Variants in KCNQ1OT1 observed in about 807,000 individuals in gnomAD.
KCNQ1OT1 encodes KCNQ1 opposite strand/antisense transcript 1, also known as KCNQ1 antisense RNA 2 (non-protein coding).
chr11:2,658,120 C>G lies in KCNQ1OT1; in HGVS notation n.41875G>C. The G allele has an allele frequency of 2.5e-6, 1 of 398,550 alleles. No homozygotes were observed. Among genetic ancestry groups the G allele is most frequent in the Non-Finnish European group, 4.4e-6 (1 of 226,030 alleles). The allele number at this position is 398,550 out of a possible 1,614,324, so 24.7% of individuals were successfully genotyped here. ...CCTGCAGGAGAGTATCAAAAAAAAT[C>G]TGCAAATATGTTAAAACTACCACAG... is the stretch of plus-strand genomic sequence containing the variant. On this transcript the variant is annotated non_coding_transcript_exon_variant, in exon 1 of 1. Transcript: ENST00000597346. The surrounding 1 kb of genome is among the most constrained non-coding windows in gnomAD (Gnocchi z 4.9).
chr11:2,645,423 T>G lies in KCNQ1OT1; in HGVS notation n.54572A>C, dbSNP rs1260392533. On this transcript the variant is annotated non_coding_transcript_exon_variant, in exon 1 of 1. Transcript: ENST00000597346. This position sits in a 1 kb window ranked among gnomAD's most constrained non-coding sequence, Gnocchi z 5.8. The stretch of plus-strand genomic sequence containing the variant: ...GGCCTGTCCTGAGGCCCTCCAGTAA[T>G]GCAAGAATGTACTGACTGTGGTAGG... 5.0e-6 allele frequency: 2 copies of G among 398,652 alleles called. No homozygotes were observed. The highest frequency in any genetic ancestry group is 8.8e-6 in the Non-Finnish European group (2 of 226,164). 24.7% of individuals were successfully genotyped at this position (398,652 alleles called of 1,614,324 possible).
At chr11:2,640,685 T>C (rs895938494) in exon 1 of KCNQ1OT1, 2 of 398,418 alleles carry the variant, frequency 5.0e-6, no homozygotes, top group African/African-American at 2.1e-5. Flanking sequence ...TCTCTATAGT[T>C]AGGAACATTT....
Position 2,683,906 on chromosome 11 carries a change from G to C in KCNQ1OT1, n.16089C>G, listed in dbSNP as rs117916938. The C allele has an allele frequency of 2.5e-6, 1 of 396,916 alleles. No individual in the cohort carries two copies. Among genetic ancestry groups the C allele is most frequent in the Non-Finnish European group, 4.4e-6 (1 of 225,926 alleles). The allele number at this position is 396,916 out of a possible 1,614,324, so 24.6% of individuals were successfully genotyped here. A position where few individuals can be genotyped will look rare whatever the true frequency, so the allele number is the denominator to read the frequency against. The stretch of plus-strand genomic sequence containing the variant: ...TCATAAATGCAAAAGATGGCCAAAG[G>C]TGCATGCTCTGTGACACGTTTCATA... On this transcript the variant is annotated non_coding_transcript_exon_variant, in exon 1 of 1. Coordinates refer to ENST00000597346, the Ensembl canonical transcript of KCNQ1OT1. The surrounding 1 kb of genome is among the most constrained non-coding windows in gnomAD (Gnocchi z 4.7).
chr11:2,632,044 A>G, exon 1 of KCNQ1OT1: 1 of 396,324 alleles, frequency 2.5e-6, no homozygotes, highest in Non-Finnish European at 4.4e-6. Context: ...TTAGCCAGGC[A>G]TAGCAGCGTG....
In KCNQ1OT1 at chr11:2,624,919, C is replaced by A; in HGVS notation, n.75076G>T. The A allele has an allele frequency of 2.5e-6, 1 of 398,270 alleles. No individual in the cohort carries two copies. The highest frequency in any genetic ancestry group is 4.4e-6 in the Non-Finnish European group (1 of 226,044). The allele number at this position is 398,270 out of a possible 1,614,324, so 24.7% of individuals were successfully genotyped here. A position where few individuals can be genotyped will look rare whatever the true frequency, so the allele number is the denominator to read the frequency against. ...CATGTTGTGGCATGTGTCAAAATTT[C>A]TATTTTTTTTAAAGCTGAATAATAT... is the stretch of plus-strand genomic sequence containing the variant. On this transcript the variant is annotated non_coding_transcript_exon_variant, in exon 1 of 1. Transcript: ENST00000597346. The surrounding 1 kb of genome is among the most constrained non-coding windows in gnomAD (Gnocchi z 4.9).
exon 1 of KCNQ1OT1, chr11:2,656,614 T>C (rs1316856994): frequency 2.5e-6 from 1 of 398,676 alleles, no homozygotes; most frequent in East Asian, 3.6e-5. Context: ...TTGCCCATTT[T>C]CTATTAAGTC....
chr11:2,647,831 T>C lies in KCNQ1OT1; in HGVS notation n.52164A>G, dbSNP rs1353375944. 7.5e-6 allele frequency: 3 copies of C among 398,456 alleles called. No individual in the cohort carries two copies. The highest frequency in any genetic ancestry group is 2.5e-4 in the South Asian group (2 of 7,866). The allele number at this position is 398,456 out of a possible 1,614,324, so 24.7% of individuals were successfully genotyped here. ...ATCTTTTGTATTTCTGTGGTGTCCA[T>C]TGTAAGTCTCCTTTTTCATTTCTGA... On this transcript the variant is annotated non_coding_transcript_exon_variant, in exon 1 of 1. Coordinates refer to ENST00000597346, the Ensembl canonical transcript of KCNQ1OT1. The surrounding 1 kb of genome is among the most constrained non-coding windows in gnomAD (Gnocchi z 4.0).
In KCNQ1OT1 at chr11:2,690,644, T is replaced by A. The variant is rs553233404; in HGVS notation, n.9351A>T. ...TCATATATGTGTCAGAATGCGTATT[T>A]GTCAGTGTATGTGTGTCAGTGCACA... On this transcript the variant is annotated non_coding_transcript_exon_variant, in exon 1 of 1. Transcript: ENST00000597346. This position sits in a 1 kb window ranked among gnomAD's most constrained non-coding sequence, Gnocchi z 5.1. The A allele has an allele frequency of 7.3e-5, 29 of 398,648 alleles. No homozygotes were observed. The highest frequency in any genetic ancestry group is 1.2e-4 in the Non-Finnish European group (27 of 226,076). 24.7% of individuals were successfully genotyped at this position (398,648 alleles called of 1,614,324 possible).
Position 2,683,389 on chromosome 11 carries a change from T to C in KCNQ1OT1, n.16606A>G, listed in dbSNP as rs1374660168. ...CTGCAAATGCAGGTTCCTGGGGCTCTGGGTGGTTTGTCCAATGGCTAAGCT... is the reference window on the plus strand; with the variant it reads ...CTGCAAATGCAGGTTCCTGGGGCTCCGGGTGGTTTGTCCAATGGCTAAGCT... On this transcript the variant is annotated non_coding_transcript_exon_variant, in exon 1 of 1. Coordinates refer to ENST00000597346, the Ensembl canonical transcript of KCNQ1OT1. This position sits in a 1 kb window ranked among gnomAD's most constrained non-coding sequence, Gnocchi z 4.7. 1 of 398,676 alleles carries C rather than the reference T, an allele frequency of 2.5e-6. No homozygotes were observed. Among genetic ancestry groups the C allele is most frequent in the Non-Finnish European group, 4.4e-6 (1 of 226,074 alleles). 24.7% of individuals were successfully genotyped at this position (398,676 alleles called of 1,614,324 possible).
At chr11:2,622,250 G>A (rs10741669) in exon 1 of KCNQ1OT1, 355,513 of 398,270 alleles carry the variant, frequency 0.89, 158,915 homozygotes, top group East Asian at 0.99. Context: ...GTGTGTATAC[G>A]TTTCCAATTG....
In KCNQ1OT1 at chr11:2,658,137, C is replaced by T. The variant is rs964321094; in HGVS notation, n.41858G>A. 1 of 398,568 alleles carries T rather than the reference C, an allele frequency of 2.5e-6. No homozygotes were observed. The highest frequency in any genetic ancestry group is 4.4e-6 in the Non-Finnish European group (1 of 226,030). The allele number at this position is 398,568 out of a possible 1,614,324, so 24.7% of individuals were successfully genotyped here. ...AAAAAAATCTGCAAATATGTTAAAACTACCACAGCAATTAAAATACATTTC... is the reference window on the plus strand; with the variant it reads ...AAAAAAATCTGCAAATATGTTAAAATTACCACAGCAATTAAAATACATTTC... On this transcript the variant is annotated non_coding_transcript_exon_variant, in exon 1 of 1. Coordinates refer to ENST00000597346, the Ensembl canonical transcript of KCNQ1OT1. This position sits in a 1 kb window ranked among gnomAD's most constrained non-coding sequence, Gnocchi z 4.9.
exon 1 of KCNQ1OT1, chr11:2,662,095 T>C: frequency 6.2e-7 from 1 of 1,614,098 alleles, no homozygotes; most frequent in East Asian, 2.2e-5. Flanking sequence ...AGTGCCTACA[T>C]GTGCGTGAAG....
exon 1 of KCNQ1OT1, chr11:2,616,052 C>T (rs1849058609): frequency 2.5e-6 from 1 of 397,914 alleles, no homozygotes; most frequent in Non-Finnish European, 4.4e-6. Context: ...TGGGTCTGCT[C>T]ATAATTTCAA....
exon 1 of KCNQ1OT1, chr11:2,685,361 C>T (rs1850468126): frequency 2.5e-6 from 1 of 398,678 alleles, no homozygotes; most frequent in South Asian, 1.3e-4. Flanking sequence ...TGGGCAGGTA[C>T]CATCTCTGCC....
In KCNQ1OT1 at chr11:2,676,527, T is replaced by A. The variant is rs563587232; in HGVS notation, n.23468A>T. 2 of 398,614 alleles carry A rather than the reference T, an allele frequency of 5.0e-6. No individual in the cohort carries two copies. Among genetic ancestry groups the A allele is most frequent in the African/African-American group, 4.1e-5 (2 of 48,732 alleles). 24.7% of individuals were successfully genotyped at this position (398,614 alleles called of 1,614,324 possible). On this transcript the variant is annotated non_coding_transcript_exon_variant, in exon 1 of 1. Transcript: ENST00000597346. This position sits in a 1 kb window ranked among gnomAD's most constrained non-coding sequence, Gnocchi z 4.2. ...GAACACTTGGACTTGGCAAAAGGCATAGAGGTAGTGGTACAGGAAAGGTCT... is the reference window on the plus strand; with the variant it reads ...GAACACTTGGACTTGGCAAAAGGCAAAGAGGTAGTGGTACAGGAAAGGTCT...
Position 2,664,423 on chromosome 11 carries a change from G to A in KCNQ1OT1, n.35572C>T. 1 of 398,636 alleles carries A rather than the reference G, an allele frequency of 2.5e-6. No homozygotes were observed. The highest frequency in any genetic ancestry group is 4.4e-6 in the Non-Finnish European group (1 of 226,098). 24.7% of individuals were successfully genotyped at this position (398,636 alleles called of 1,614,324 possible). ...GGGAGAGTGGGCACGTACAGTGTCA[G>A]GGCCTAGGAACCCAGGCTCCTCTGG... On this transcript the variant is annotated non_coding_transcript_exon_variant, in exon 1 of 1. Coordinates refer to ENST00000597346, the Ensembl canonical transcript of KCNQ1OT1. This position sits in a 1 kb window ranked among gnomAD's most constrained non-coding sequence, Gnocchi z 5.1.
chr11:2,649,459 G>A lies in KCNQ1OT1; in HGVS notation n.50536C>T, dbSNP rs142006218. 936 of 398,418 alleles carry A rather than the reference G, an allele frequency of 2.3e-3. 4 individuals are homozygous for A. Among genetic ancestry groups the A allele is most frequent in the African/African-American group, 0.017 (841 of 48,672 alleles). The allele number at this position is 398,418 out of a possible 1,614,324, so 24.7% of individuals were successfully genotyped here. The stretch of plus-strand genomic sequence containing the variant: ...TAGTACTCCCTTAAGCATTTCTTGT[G>A]GGGCTGATTTAGTAGTAATGAATTC... On this transcript the variant is annotated non_coding_transcript_exon_variant, in exon 1 of 1. Coordinates refer to ENST00000597346, the Ensembl canonical transcript of KCNQ1OT1.
Position 2,691,199 on chromosome 11 carries a change from A to T in KCNQ1OT1, n.8796T>A. The T allele has an allele frequency of 2.5e-6, 1 of 398,612 alleles. No individual in the cohort carries two copies. Among genetic ancestry groups the T allele is most frequent in the Admixed American group, 4.4e-5 (1 of 22,738 alleles). The allele number at this position is 398,612 out of a possible 1,614,324, so 24.7% of individuals were successfully genotyped here. A position where few individuals can be genotyped will look rare whatever the true frequency, so the allele number is the denominator to read the frequency against. ...GGGTGCTCAGAGCTCAGCTGTGTTT[A>T]AAAATTAGCAAGTGGAGGAGTTAGA... On this transcript the variant is annotated non_coding_transcript_exon_variant, in exon 1 of 1. Transcript: ENST00000597346. This position sits in a 1 kb window ranked among gnomAD's most constrained non-coding sequence, Gnocchi z 6.4.
At position 2,613,591 on chromosome 11, in the gene KCNQ1OT1, T is replaced by G. The variant is rs1224248815; in HGVS notation, n.86404A>C. The G allele has an allele frequency of 2.5e-6, 1 of 398,464 alleles. No homozygotes were observed. Among genetic ancestry groups the G allele is most frequent in the African/African-American group, 2.1e-5 (1 of 48,616 alleles). The allele number at this position is 398,464 out of a possible 1,614,324, so 24.7% of individuals were successfully genotyped here. ...ATATTTTTTCTTTAATTAGCACTTT[T>G]CAATTTTATATTTCTTTGTCCAGTT... On this transcript the variant is annotated non_coding_transcript_exon_variant, in exon 1 of 1. Coordinates refer to ENST00000597346, the Ensembl canonical transcript of KCNQ1OT1. This position sits in a 1 kb window ranked among gnomAD's most constrained non-coding sequence, Gnocchi z 4.8.
Sources: gnomAD v4.1 joint callset for allele counts on GRCh38, gnomAD v4.1.1 for gene constraint, Gnocchi (gnomAD v3.1) non-coding constraint, MANE v1.5 for transcripts, NCBI Gene and HGNC (gene_info 2026-07-23, HGNC 2026-07-21) for gene names.